The following ATAD2 variants were observed in gnomAD, a reference collection of about 807,000 sequenced individuals.
ATAD2 encodes the protein ATPase family AAA domain-containing protein 2.
In ATAD2, 62 loss-of-function variants were observed where a neutral mutation model predicts 168.9. The observed-to-expected ratio is 0.37, with a 90% confidence interval of 0.30 to 0.45. The LOEUF (loss-of-function observed/expected upper bound fraction) is 0.45, where lower values mean the gene tolerates loss of function less well. Ranked by LOEUF, ATAD2 falls within the 20% of genes least tolerant of loss-of-function variation. ATAD2 has a pLI of 1.00. For missense variants in ATAD2, 1,419 were observed against 1,667.8 expected (o/e 0.85, Z 2.60); for synonymous variants, 613 against 571.6 (o/e 1.07, Z -1.03).
intron 19 of ATAD2, among the ~76,000 whole-genome samples, chr8:123,340,389 G>A (rs902012282): frequency 5.3e-5 from 8 of 152,088 alleles, no homozygotes; most frequent in African/African-American, 1.2e-4. Flanking sequence ...GTGTAGCTGC[G>A]GTGGAAAACA....
chr8:123,394,580 A>T (rs572135346), intron 1 of ATAD2, among the ~76,000 whole-genome samples: 36 of 151,876 alleles, frequency 2.4e-4, no homozygotes, highest in African/African-American at 8.2e-4. Context: ...GGTTGCGGTG[A>T]GCCGAGATCA....
In ATAD2 at chr8:123,346,766, A is replaced by C. The variant is rs1272028044; in HGVS notation, c.2213-16T>G. 5 of 1,569,936 alleles carry C rather than the reference A, an allele frequency of 3.2e-6. No homozygotes were observed. The highest frequency in any genetic ancestry group is 2.3e-5 in the East Asian group (1 of 43,560). On this transcript the variant is annotated splice_polypyrimidine_tract_variant and intron_variant, in intron 16 of 27. Transcript: ENST00000287394. ...CAAGAAATATCTATAAAACCAAAAA[A>C]TTGTACATTAGTAACTTTTGGATTG...
rs757214653 is a variant in ATAD2, at chr8:123,344,830, G to A, written c.2718+54C>T. On this transcript the variant is annotated intron_variant, in intron 19 of 27. Coordinates refer to ENST00000287394, the MANE Select transcript of ATAD2 (RefSeq NM_014109.4). ...ATTTTTTCAATAAGTTATGATTATT[G>A]TGGTAGAAACAACTCTTTTTGAAAG... is the stretch of plus-strand genomic sequence containing the variant. 19 of 1,550,060 alleles carry A rather than the reference G, an allele frequency of 1.2e-5. No homozygotes were observed. The South Asian group carries it at 2.0e-4, about 16-fold the overall frequency.
intron 2 of ATAD2, among the ~76,000 whole-genome samples, chr8:123,380,083 G>A (rs1829450013): frequency 6.6e-6 from 1 of 150,678 alleles, no homozygotes. Flanking sequence ...AGACAGTCTC[G>A]CTCTGTCGCC....
At chr8:123,401,064 C>A, upstream of ATAD2, 3 of 1,572,996 alleles carry the variant, frequency 1.9e-6, no homozygotes, top group Non-Finnish European at 2.6e-6. Context: ...CCCGAGACAT[C>A]GACTTTCTTG....
chr8:123,349,999 G>C (rs1393901891), intron 13 of ATAD2, among the ~76,000 whole-genome samples: 2 of 151,484 alleles, frequency 1.3e-5, no homozygotes, highest in African/African-American at 4.9e-5. Flanking sequence ...CTGGGTGACA[G>C]AGCAAGACCT....
intron 2 of ATAD2, among the ~76,000 whole-genome samples, chr8:123,373,044 C>T (rs1829195460): frequency 6.6e-6 from 1 of 152,052 alleles, no homozygotes; most frequent in Admixed American, 6.6e-5. Flanking sequence ...AGGCTCCTGT[C>T]ATCTCGCCCG....
chr8:123,358,507 G>A (rs1828715153), intron 11 of ATAD2, among the ~76,000 whole-genome samples: 1 of 151,982 alleles, frequency 6.6e-6, no homozygotes, highest in South Asian at 2.1e-4. Context: ...ACCATGCCTG[G>A]CTAATTTTTT....
At chr8:123,414,882 C>T (rs1813219379) in intron 1 of ATAD2, among the ~76,000 whole-genome samples, 1 of 152,156 alleles carries the variant, frequency 6.6e-6, no homozygotes, top group Non-Finnish European at 1.5e-5. Context: ...AGCATTTAGA[C>T]CATTTACATT....
intron 8 of ATAD2, 89 bp from the exon 9 acceptor site, chr8:123,361,735 C>A: frequency 9.8e-7 from 1 of 1,019,138 alleles, no homozygotes; most frequent in Non-Finnish European, 1.5e-6. Flanking sequence ...CCTAATGCTC[C>A]AAAAAGTTTA....
chr8:123,353,180 A>G (rs1016178238), intron 13 of ATAD2, among the ~76,000 whole-genome samples: 45 of 152,282 alleles, frequency 3.0e-4, no homozygotes, highest in African/African-American at 1.0e-3. Flanking sequence ...CTTGGCCAAA[A>G]TGGCAAAACC....
chr8:123,361,558 G>C lies in ATAD2; in HGVS notation c.1138C>G (p.Arg380Gly), dbSNP rs555718366. 6.2e-7 allele frequency: 1 copy of C among 1,612,702 alleles called. No individual in the cohort carries two copies. The highest frequency in any genetic ancestry group is 1.1e-5 in the South Asian group (1 of 90,942). ...ACTTACCTATTGATAGCCCTATTACGACTCCTTTTCCTCCGCCTCTCAAAG... is the reference window on the plus strand; with the variant it reads ...ACTTACCTATTGATAGCCCTATTACCACTCCTTTTCCTCCGCCTCTCAAAG... The part of the protein sequence containing the change: ...QHFERRRKRS[R>G]NRAINRCLPL... Residue 380 changes from arginine to glycine, a missense_variant, in exon 9 of 28, where the codon CGT (arginine) becomes GGT (glycine). Physicochemically the swap from Arg to Gly is moderately radical, Grantham distance 125. Transcript: ENST00000287394.
intron 24 of ATAD2, among the ~76,000 whole-genome samples, chr8:123,329,716 C>T (rs1421407903): frequency 1.5e-5 from 2 of 132,138 alleles, no homozygotes; most frequent in Non-Finnish European, 3.1e-5. Context: ...CATGCCACTG[C>T]ACTCTAGCTT....
At chr8:123,354,864 A>AAAAAAATATAT (rs1554644338) in intron 13 of ATAD2, among the ~76,000 whole-genome samples, 3 of 64,710 alleles carry the variant, frequency 4.6e-5, no homozygotes, top group African/African-American at 2.6e-4. Context: ...AAAAAAAAAA[A>AAAAAAATATAT]ATATATATAT....
intron 13 of ATAD2, among the ~76,000 whole-genome samples, chr8:123,350,671 T>C (rs1288939575): frequency 6.6e-6 from 1 of 152,156 alleles, no homozygotes; most frequent in African/African-American, 2.4e-5. Flanking sequence ...TCATTTAAGT[T>C]GTCCCCCTCT....
intron 1 of ATAD2, among the ~76,000 whole-genome samples, chr8:123,381,371 C>A (rs1018799337): frequency 6.6e-6 from 1 of 152,086 alleles, no homozygotes; most frequent in Non-Finnish European, 1.5e-5. Context: ...CATGGTGGAG[C>A]ACACCTGTGG....
chr8:123,346,971 T>C, intron 16 of ATAD2, 121 bp downstream of exon 16: 1 of 1,205,828 alleles, frequency 8.3e-7, no homozygotes, highest in Non-Finnish European at 1.1e-6. Flanking sequence ...ATATCCCAGG[T>C]AAAGCATTAC....
intron 24 of ATAD2, among the ~76,000 whole-genome samples, chr8:123,329,676 T>C (rs140732970): frequency 3.6e-4 from 48 of 134,228 alleles, no homozygotes; most frequent in African/African-American, 1.3e-3. Context: ...GGTGTGAACC[T>C]GGGAGGCGGA....
At chr8:123,326,092 A>T (rs1436490892) in intron 25 of ATAD2, 66 bp from the exon 26 acceptor site, 2 of 1,515,294 alleles carry the variant, frequency 1.3e-6, no homozygotes, top group Middle Eastern at 1.7e-4. Flanking sequence ...AATAAATAAT[A>T]ATATTAGGCA....
Sources: allele counts gnomAD v4.1 joint callset (sites outside exome capture counted in the v4.1 genomes callset), GRCh38; gene constraint gnomAD v4.1.1; transcripts MANE v1.5; gene names NCBI Gene and HGNC (gene_info 2026-07-23, HGNC 2026-07-21).